The following TMEM168 variants were observed in gnomAD, a reference collection of about 807,000 sequenced individuals.
TMEM168 encodes transmembrane protein 168.
TMEM168 carries 40 observed loss-of-function variants against 53.2 expected under a neutral mutation model. The observed-to-expected ratio is 0.75, with a 90% CI of 0.58 to 0.98. The LOEUF (loss-of-function observed/expected upper bound fraction) is 0.98, where lower values mean the gene tolerates loss of function less well. Ranked by LOEUF, TMEM168 falls within the 50% of genes least tolerant of loss-of-function variation. TMEM168 has a pLI of 0.00. For synonymous variants in TMEM168, 282 were observed against 293.0 expected, an observed-to-expected ratio of 0.96 and a Z score of 0.38; for missense variants, 771 against 828.8, an observed-to-expected ratio of 0.93 and a Z score of 0.86.
intron 3 of TMEM168, among the ~76,000 whole-genome samples, chr7:112,773,956 T>C (rs1020741863): frequency 6.6e-6 from 1 of 152,226 alleles, no homozygotes; most frequent in African/African-American, 2.4e-5. Flanking sequence ...TCTCACTTTA[T>C]GTGACATTTC....
Position 112,784,351 on chromosome 7 carries a change from A to G in TMEM168, c.475T>C (p.Phe159Leu), listed in dbSNP as rs1193470768. Reference sequence around the variant, plus strand: ...ATGGCAAATCCAACAAGCTCCAGAAATTCAACTGTGGTTAGTAAAGTGGGC... The same window carrying G: ...ATGGCAAATCCAACAAGCTCCAGAAGTTCAACTGTGGTTAGTAAAGTGGGC... The part of the protein sequence containing the change: ...HRPTLLTTVE[F>L]LELVGFAIAS... The change falls in exon 2 of 5, where the codon TTT (phenylalanine) becomes CTT (leucine). Residue 159 changes from phenylalanine (F) to leucine (L), a missense_variant. Transcript: ENST00000312814. The G allele has an allele frequency of 6.2e-7, 1 of 1,614,086 alleles. No homozygotes were observed. Among genetic ancestry groups the G allele is most frequent in the African/African-American group, 1.3e-5 (1 of 74,946 alleles).
Position 112,767,650 on chromosome 7 carries a change from T to C in TMEM168, c.1641A>G (p.Glu547=). The part of the protein sequence containing the change: ...CSRLIIVLDS[E]NSTPWVKEVR... ...CTTCTTTCACCCAAGGGGTTGAATT[T>C]TCGCTGTCTAATACGATAATAAGCC... The change falls in exon 5 of 5, where the codon GAA becomes GAG. Residue 547 remains glutamate (E), a synonymous_variant. Coordinates refer to ENST00000312814, the MANE Select transcript of TMEM168 (RefSeq NM_022484.6). The C allele has an allele frequency of 6.2e-7, 1 of 1,614,142 alleles. No homozygotes were observed. Among genetic ancestry groups the C allele is most frequent in the Admixed American group, 1.7e-5 (1 of 60,012 alleles).
rs1265403100 is a variant in TMEM168, at chr7:112,765,491, T to TAACA, written c.*1702_*1705dup. On this transcript the variant is annotated 3_prime_UTR_variant, in exon 5 of 5. Coordinates refer to ENST00000312814, the MANE Select transcript of TMEM168 (RefSeq NM_022484.6). ...GAGAAATTTAAAAGGAGATTTTACT[T>TAACA]AACATTAACTTTTTTTAAGCTAAAA... The TAACA allele has an allele frequency of 1.3e-5, 2 of 152,184 alleles. No homozygotes were observed. Among genetic ancestry groups the TAACA allele is most frequent in the African/African-American group, 4.8e-5 (2 of 41,446 alleles). 9.4% of individuals were successfully genotyped at this position (152,184 alleles called of 1,614,324 possible). A position where few individuals can be genotyped will look rare whatever the true frequency, so the allele number is the denominator to read the frequency against.
Position 112,767,235 on chromosome 7 carries a change from G to A in TMEM168, c.2056C>T (p.Leu686=). 1.2e-6 allele frequency: 2 copies of A among 1,614,044 alleles called. No individual in the cohort carries two copies. Among genetic ancestry groups the A allele is most frequent in the South Asian group, 2.2e-5 (2 of 91,076 alleles). ...LKMSWFLPTV[L]DTGQGFKLVK... is the part of the protein sequence containing the mutation. ...AGTTTGAAGCCTTGTCCTGTGTCCA[G>A]CACAGTAGGAAGAAACCAACTCATT... The change falls in exon 5 of 5, where the codon CTG becomes TTG. Residue 686 remains leucine (L), a synonymous_variant. Coordinates refer to ENST00000312814, the MANE Select transcript of TMEM168 (RefSeq NM_022484.6).
rs777945922 is a variant in TMEM168 at position 112,767,247 on chromosome 7, G to A, written c.2044C>T (p.Leu682Phe). The A allele has an allele frequency of 1.9e-6, 3 of 1,614,114 alleles. No individual in the cohort carries two copies. In the East Asian group the frequency reaches 6.7e-5, roughly 36 times the overall value. Reference protein sequence around the residue: ...CLKRLKMSWFLPTVLDTGQGF... With the variant: ...CLKRLKMSWFFPTVLDTGQGF... Reference sequence around the variant, plus strand: ...TGTCCTGTGTCCAGCACAGTAGGAAGAAACCAACTCATTTTTAATCTTTTC... The same window carrying A: ...TGTCCTGTGTCCAGCACAGTAGGAAAAAACCAACTCATTTTTAATCTTTTC... The change falls in exon 5 of 5, where the codon CTT becomes TTT. Residue 682 changes from leucine to phenylalanine, a missense_variant. By Grantham distance (22) the Leu-to-Phe change is conservative. Transcript: ENST00000312814.
chr7:112,784,389 T>G lies in TMEM168; in HGVS notation c.437A>C (p.Tyr146Ser). Residue 146 changes from tyrosine (Y) to serine (S), a missense_variant, in exon 2 of 5, where the codon TAT (tyrosine) becomes TCT (serine). Coordinates refer to ENST00000312814, the MANE Select transcript of TMEM168 (RefSeq NM_022484.6). ...LCSLVERISG[Y>S]VRHRPTLLTT... ...TAGTAAAGTGGGCCGATGACGGACA[T>G]AACCAGAAATTCTCTCCACCAGAGA... The G allele has an allele frequency of 6.2e-7, 1 of 1,614,140 alleles. No homozygotes were observed. Among genetic ancestry groups the G allele is most frequent in the Non-Finnish European group, 8.5e-7 (1 of 1,179,990 alleles).
chr7:112,766,990 G>GC lies in TMEM168; in HGVS notation c.*206dup. On this transcript the variant is annotated 3_prime_UTR_variant, in exon 5 of 5. Coordinates refer to ENST00000312814, the MANE Select transcript of TMEM168 (RefSeq NM_022484.6). ...AACGTCTCTTATGCATTTACAGTAA[G>GC]CATTTGACTCCCTACATACTTTCAT... The GC allele has an allele frequency of 1.8e-6, 1 of 546,088 alleles. No homozygotes were observed. Among genetic ancestry groups the GC allele is most frequent in the East Asian group, 3.0e-5 (1 of 32,850 alleles). 33.8% of individuals were successfully genotyped at this position (546,088 alleles called of 1,614,324 possible).
intron 4 of TMEM168, among the ~76,000 whole-genome samples, chr7:112,770,174 C>A (rs1057247846): frequency 6.6e-6 from 1 of 152,188 alleles, no homozygotes; most frequent in African/African-American, 2.4e-5. Flanking sequence ...GCAGAATCAG[C>A]CCTTGAGGAC....
chr7:112,779,331 C>T (rs1246955830), intron 2 of TMEM168, among the ~76,000 whole-genome samples: 4 of 152,158 alleles, frequency 2.6e-5, no homozygotes, highest in East Asian at 1.9e-4. Flanking sequence ...TTTGGCAATA[C>T]AAAAATTCGT....
chr7:112,765,927 T>TA lies in TMEM168; in HGVS notation c.*1269dup, dbSNP rs34377963. The TA allele has an allele frequency of 2.6e-5, 4 of 152,286 alleles. No homozygotes were observed. Among genetic ancestry groups the TA allele is most frequent in the Non-Finnish European group, 2.9e-5 (2 of 67,962 alleles). The allele number at this position is 152,286 out of a possible 1,614,324, so 9.4% of individuals were successfully genotyped here. A position where few individuals can be genotyped will look rare whatever the true frequency, so the allele number is the denominator to read the frequency against. ...GCATTATTTCCTCTTTCTGAGGCTA[T>TA]AAAAAAATGGCTTCAATGGTGAGAA... On this transcript the variant is annotated 3_prime_UTR_variant, in exon 5 of 5. Transcript: ENST00000312814.
Position 112,767,247 on chromosome 7 carries a change from G to T in TMEM168, c.2044C>A (p.Leu682Ile). ...CLKRLKMSWF[L>I]PTVLDTGQGF... ...TGTCCTGTGTCCAGCACAGTAGGAA[G>T]AAACCAACTCATTTTTAATCTTTTC... Residue 682 changes from leucine (L) to isoleucine (I), a missense_variant, in exon 5 of 5, where the codon CTT becomes ATT. Transcript: ENST00000312814. The T allele has an allele frequency of 6.2e-7, 1 of 1,614,114 alleles. No homozygotes were observed. Among genetic ancestry groups the T allele is most frequent in the East Asian group, 2.2e-5 (1 of 44,876 alleles).
rs531864604 is a variant in TMEM168, at chr7:112,763,153, A to ACAT, written c.*4041_*4043dup. On this transcript the variant is annotated 3_prime_UTR_variant, in exon 5 of 5. Coordinates refer to ENST00000312814, the MANE Select transcript of TMEM168 (RefSeq NM_022484.6). ...ACTCACAAAAAGCCATTTTTTGGCA[A>ACAT]CATCAGCTATGTTTTCATTCAAACC... 11 of 152,244 alleles carry ACAT rather than the reference A, an allele frequency of 7.2e-5. No homozygotes were observed. The East Asian group carries it at 2.1e-3, about 29-fold the overall frequency. The allele number at this position is 152,244 out of a possible 1,614,324, so 9.4% of individuals were successfully genotyped here. A position where few individuals can be genotyped will look rare whatever the true frequency, so the allele number is the denominator to read the frequency against.
Position 112,767,546 on chromosome 7 carries a change from G to A in TMEM168, c.1745C>T (p.Pro582Leu), listed in dbSNP as rs139859125. 2.3e-4 allele frequency: 368 copies of A among 1,613,964 alleles called. No individual in the cohort carries two copies. The highest frequency in any genetic ancestry group is 3.0e-4 in the Non-Finnish European group (354 of 1,180,018). Residue 582 changes from proline (P) to leucine (L), a missense_variant, in exon 5 of 5, where the codon CCG becomes CTG. Pro to Leu is a moderately conservative substitution (Grantham distance 98). Coordinates refer to ENST00000312814, the MANE Select transcript of TMEM168 (RefSeq NM_022484.6). ...IKTVDIEEAD[P>L]PQLGDFTKDW... ...TTTTGTAAAGTCACCTAGCTGTGGC[G>A]GGTCAGCTTCTTCAATATCTACTGT...
In TMEM168 at chr7:112,784,923, T is replaced by G; in HGVS notation, c.-98A>C. ...GTATCCGCAACTCCTATTTCAACAT[T>G]TTCTCTTGTGGAAATTTTGTTTATA... On this transcript the variant is annotated 5_prime_UTR_variant, in exon 2 of 5. Transcript: ENST00000312814. The G allele has an allele frequency of 9.0e-7, 1 of 1,107,872 alleles. No individual in the cohort carries two copies. Among genetic ancestry groups the G allele is most frequent in the Non-Finnish European group, 1.2e-6 (1 of 834,876 alleles). 68.6% of individuals were successfully genotyped at this position (1,107,872 alleles called of 1,614,324 possible). A position where few individuals can be genotyped will look rare whatever the true frequency, so the allele number is the denominator to read the frequency against.
chr7:112,774,236 C>T (rs1209265290), intron 3 of TMEM168, among the ~76,000 whole-genome samples: 1 of 152,126 alleles, frequency 6.6e-6, no homozygotes, highest in African/African-American at 2.4e-5. Flanking sequence ...ACAGATGTCA[C>T]CACCTTTGTG....
At chr7:112,779,517 A>G (rs1193093688) in intron 2 of TMEM168, among the ~76,000 whole-genome samples, 1 of 152,188 alleles carries the variant, frequency 6.6e-6, no homozygotes. Flanking sequence ...CCTTAATTCC[A>G]AGTAACAAAT....
intron 2 of TMEM168, among the ~76,000 whole-genome samples, chr7:112,779,234 T>C (rs765460003): frequency 1.6e-4 from 25 of 152,122 alleles, no homozygotes; most frequent in Non-Finnish European, 3.4e-4. Flanking sequence ...GAAAAAATCA[T>C]TAAGTACTTC....
At chr7:112,786,454 C>G (rs1029394583) in intron 1 of TMEM168, among the ~76,000 whole-genome samples, 3 of 151,980 alleles carry the variant, frequency 2.0e-5, no homozygotes, top group African/African-American at 7.3e-5. Context: ...TTTAAGTATT[C>G]CAACTGATTT....
In TMEM168 at chr7:112,783,873, C is replaced by T; in HGVS notation, c.953G>A (p.Gly318Glu). Reference sequence around the variant, plus strand: ...GCAGTCATTTAATTTGGTATGGAATCCCCAAAGAGTTAAAAGAAAAATAAT... The same window carrying T: ...GCAGTCATTTAATTTGGTATGGAATTCCCAAAGAGTTAAAAGAAAAATAAT... ...CHIIFLLTLW[G>E]FHTKLNDCHK... The change falls in exon 2 of 5, where the codon GGA (glycine) becomes GAA (glutamate). Residue 318 changes from glycine to glutamate, a missense_variant. Coordinates refer to ENST00000312814, the MANE Select transcript of TMEM168 (RefSeq NM_022484.6). 1 of 1,601,674 alleles carries T rather than the reference C, an allele frequency of 6.2e-7. No homozygotes were observed. Among genetic ancestry groups the T allele is most frequent in the Non-Finnish European group, 8.5e-7 (1 of 1,176,476 alleles).
Sources: gnomAD v4.1 joint callset for allele counts (sites outside exome capture counted in the v4.1 genomes callset) on GRCh38, gnomAD v4.1.1 for gene constraint, MANE v1.5 for transcripts, NCBI Gene and HGNC (gene_info 2026-07-23, HGNC 2026-07-21) for gene names.